The following FAM168A variants were observed in gnomAD, a reference collection of about 807,000 sequenced individuals.
FAM168A encodes the protein protein FAM168A.
FAM168A carries 3 observed loss-of-function variants against 28.5 expected under a neutral mutation model. That is an observed-to-expected ratio of 0.11 (90% CI 0.05 to 0.27). The LOEUF is 0.27. Ranked by LOEUF, FAM168A falls within the 10% of genes least tolerant of loss-of-function variation. FAM168A has a pLI of 1.00. For missense variants in FAM168A, 222 were observed against 311.5 expected (o/e 0.71, Z 2.16); for synonymous variants, 122 against 124.2 (o/e 0.98, Z 0.12).
intron 1 of FAM168A, among the ~76,000 whole-genome samples, chr11:73,502,827 G>T (rs537675309): frequency 4.6e-5 from 7 of 152,200 alleles, no homozygotes; most frequent in Non-Finnish European, 1.0e-4. Flanking sequence ...TCATCCCTGG[G>T]ATGCAAGGCT....
chr11:73,494,086 AGACATGTACATTATGTACAGTATG>A (rs1187622871), intron 1 of FAM168A, among the ~76,000 whole-genome samples: 69 of 152,364 alleles, frequency 4.5e-4, no homozygotes, highest in African/African-American at 1.3e-3. Context: ...AAGAACACCA[AGACATGTACATTATGTACAGTATG>A]GACATGTACA....
intron 1 of FAM168A, among the ~76,000 whole-genome samples, chr11:73,487,623 T>C (rs1171349729): frequency 6.6e-6 from 1 of 152,204 alleles, no homozygotes; most frequent in Non-Finnish European, 1.5e-5. Flanking sequence ...CTCTCAGTTA[T>C]CTGATCTCTC....
At chr11:73,426,902 G>A (rs1866896339) in intron 3 of FAM168A, among the ~76,000 whole-genome samples, 1 of 152,178 alleles carries the variant, frequency 6.6e-6, no homozygotes, top group Non-Finnish European at 1.5e-5. Context: ...TAGTCTGGGT[G>A]ACTTTAGTAG....
At chr11:73,448,845 A>C (rs1867371871) in intron 2 of FAM168A, among the ~76,000 whole-genome samples, 1 of 152,210 alleles carries the variant, frequency 6.6e-6, no homozygotes, top group South Asian at 2.1e-4. Flanking sequence ...GACCTAATAA[A>C]TCAATGTCAC....
intron 1 of FAM168A, among the ~76,000 whole-genome samples, chr11:73,529,429 T>A (rs767728564): frequency 6.6e-6 from 1 of 152,126 alleles, no homozygotes; most frequent in Admixed American, 6.6e-5. Context: ...CTATTGTAAA[T>A]GACAGATAAT....
intron 1 of FAM168A, among the ~76,000 whole-genome samples, chr11:73,545,360 T>C (rs1230650378): frequency 2.0e-5 from 3 of 151,800 alleles, no homozygotes; most frequent in Non-Finnish European, 4.4e-5. Flanking sequence ...TGAAAAAAGC[T>C]AGCTATAAAG....
intron 6 of FAM168A, among the ~76,000 whole-genome samples, chr11:73,408,989 C>G (rs1366053263): frequency 6.6e-6 from 1 of 152,108 alleles, no homozygotes; most frequent in African/African-American, 2.4e-5. Context: ...CACTGACCTA[C>G]TTGCTTCCAG....
At chr11:73,519,789 TGTGTGC>T (rs1410474228) in intron 1 of FAM168A, among the ~76,000 whole-genome samples, 1 of 151,554 alleles carries the variant, frequency 6.6e-6, no homozygotes, top group African/African-American at 2.4e-5. Context: ...TGTGTGTGTG[TGTGTGC>T]GTGTGCGTTT....
intron 1 of FAM168A, among the ~76,000 whole-genome samples, chr11:73,561,103 G>A (rs888659518): frequency 2.0e-5 from 3 of 148,948 alleles, no homozygotes; most frequent in Non-Finnish European, 4.4e-5. Flanking sequence ...GCGCGGTGGC[G>A]GTGGCTCATG....
In FAM168A at chr11:73,472,509, T is replaced by G. The variant is rs185867273; in HGVS notation, c.-18-4017A>C. On this transcript the variant is annotated intron_variant, in intron 1 of 7. Transcript: ENST00000356467. ...ATACAAACTTTGTTTTTATTCTAAATAAGATGGGAAGCCACTGGACTGTTT... is the reference window on the plus strand; with the variant it reads ...ATACAAACTTTGTTTTTATTCTAAAGAAGATGGGAAGCCACTGGACTGTTT... 3.5e-3 allele frequency among the ~76,000 whole-genome samples: 528 copies of G among 152,288 alleles called. 1 individual carries two copies. Among genetic ancestry groups the G allele is most frequent in the Middle Eastern group, 6.8e-3 (2 of 294 alleles).
At chr11:73,571,760 G>A (rs1233083443) in intron 1 of FAM168A, among the ~76,000 whole-genome samples, 2 of 151,654 alleles carry the variant, frequency 1.3e-5, no homozygotes, top group Non-Finnish European at 1.5e-5. Flanking sequence ...GGAAAGTGAG[G>A]AGCATCTCTG....
At chr11:73,451,652 G>A (rs1410786373) in intron 2 of FAM168A, among the ~76,000 whole-genome samples, 1 of 152,150 alleles carries the variant, frequency 6.6e-6, no homozygotes, top group African/African-American at 2.4e-5. Flanking sequence ...CAACCATTGT[G>A]TTACAATTGC....
At chr11:73,525,772 G>A (rs7933355) in intron 1 of FAM168A, among the ~76,000 whole-genome samples, 1 of 152,016 alleles carries the variant, frequency 6.6e-6, no homozygotes. Flanking sequence ...CCAAAATCTT[G>A]TTCCCTCTCA....
chr11:73,587,033 A>T (rs758220208), intron 1 of FAM168A, among the ~76,000 whole-genome samples: 40 of 152,098 alleles, frequency 2.6e-4, no homozygotes, highest in Non-Finnish European at 5.4e-4. Flanking sequence ...TCCCCCAATA[A>T]GAAATAAGTA....
At chr11:73,584,741 T>C (rs1453831877) in intron 1 of FAM168A, among the ~76,000 whole-genome samples, 1 of 152,076 alleles carries the variant, frequency 6.6e-6, no homozygotes, top group Non-Finnish European at 1.5e-5. Context: ...CCTCCCAAAG[T>C]GCTGGGATTA....
chr11:73,465,508 G>A (rs772088744), intron 2 of FAM168A, among the ~76,000 whole-genome samples: 1 of 90,272 alleles, frequency 1.1e-5, no homozygotes, highest in Non-Finnish European at 2.1e-5. Flanking sequence ...ACCAGACTGG[G>A]TGGCTTAAAC....
At chr11:73,561,644 C>T (rs149310292) in intron 1 of FAM168A, among the ~76,000 whole-genome samples, 53 of 152,222 alleles carry the variant, frequency 3.5e-4, no homozygotes, top group African/African-American at 1.2e-3. Context: ...CCATAGAGAA[C>T]TAGAAATGGC....
intron 1 of FAM168A, among the ~76,000 whole-genome samples, chr11:73,538,137 T>G (rs2134673334): frequency 6.6e-6 from 1 of 152,286 alleles, no homozygotes; most frequent in East Asian, 1.9e-4. Context: ...ATGTTTGGGT[T>G]GACTAACACT....
intron 1 of FAM168A, among the ~76,000 whole-genome samples, chr11:73,482,988 C>T (rs1867988377): frequency 6.6e-6 from 1 of 152,182 alleles, no homozygotes; most frequent in Non-Finnish European, 1.5e-5. Flanking sequence ...GATCTGCCCA[C>T]CTCAGCCTCC....
Sources: gnomAD v4.1 joint callset for allele counts (sites outside exome capture counted in the v4.1 genomes callset) on GRCh38, gnomAD v4.1.1 for gene constraint, MANE v1.5 for transcripts, NCBI Gene and HGNC (gene_info 2026-07-23, HGNC 2026-07-21) for gene names.